The following XRCC1 variants were observed in gnomAD, a reference collection of about 807,000 sequenced individuals.
XRCC1 encodes the protein DNA repair protein XRCC1.
XRCC1 carries 52 observed loss-of-function variants against 83.3 expected under a neutral mutation model. That is an observed-to-expected ratio of 0.62 (90% CI 0.50 to 0.79). The LOEUF is 0.79. XRCC1 is among the 30% of genes least tolerant of loss of function. XRCC1 has a pLI of 0.00. For synonymous variants in XRCC1, 281 were observed against 312.6 expected (o/e 0.90, Z 1.07); for missense variants, 793 against 823.5 (o/e 0.96, Z 0.45).
At chr19:43,574,311 T>C (rs1972832852) in intron 2 of XRCC1, among the ~76,000 whole-genome samples, 1 of 151,856 alleles carries the variant, frequency 6.6e-6, no homozygotes, top group Non-Finnish European at 1.5e-5. Flanking sequence ...CCTGGGCTCA[T>C]GCAATACTCC....
intron 2 of XRCC1, among the ~76,000 whole-genome samples, chr19:43,562,991 C>T (rs539324419): frequency 6.6e-6 from 1 of 152,336 alleles, no homozygotes; most frequent in South Asian, 2.1e-4. Context: ...GTGGCAAAGC[C>T]GGACCGGAAC....
chr19:43,575,088 C>G, intron 1 of XRCC1, 86 bp from the exon 2 acceptor site: 1 of 1,128,862 alleles, frequency 8.9e-7, no homozygotes, highest in Non-Finnish European at 1.3e-6. Flanking sequence ...TGAGTCCTCC[C>G]AAGGCCTCTA....
In XRCC1 at chr19:43,545,894, A is replaced by G. The variant is rs145204208; in HGVS notation, c.1545T>C (p.Tyr515=). 1.2e-6 allele frequency: 2 copies of G among 1,613,858 alleles called. No individual in the cohort carries two copies. The highest frequency in any genetic ancestry group is 1.7e-6 in the Non-Finnish European group (2 of 1,179,942). ...PGQEENGEDP[Y]AGSTDENTDS... is the part of the protein sequence containing the mutation. The stretch of plus-strand genomic sequence containing the variant: ...CCGTGTTCTCATCCGTGGAGCCTGC[A>G]TACGGGTCTTCCCCATTCTCCTCCT... Residue 515 remains tyrosine, a synonymous_variant, in exon 14 of 17, where the codon TAT becomes TAC. Coordinates refer to ENST00000262887, the MANE Select transcript of XRCC1 (RefSeq NM_006297.3).
intron 2 of XRCC1, among the ~76,000 whole-genome samples, chr19:43,565,967 G>A (rs1402402396): frequency 3.3e-5 from 5 of 151,980 alleles, no homozygotes; most frequent in Non-Finnish European, 5.9e-5. Flanking sequence ...TGGGCACAGT[G>A]GCTCACACCT....
intron 3 of XRCC1, among the ~76,000 whole-genome samples, chr19:43,556,697 C>T (rs920981307): frequency 5.3e-5 from 8 of 151,986 alleles, no homozygotes; most frequent in South Asian, 4.1e-4. Context: ...CCCAGCTACT[C>T]GGGAGGCTGA....
intron 2 of XRCC1, 130 bp downstream of exon 2, chr19:43,574,780 A>G (rs1019208208): frequency 6.9e-6 from 5 of 720,044 alleles, no homozygotes; most frequent in African/African-American, 5.2e-5. Context: ...TATGCTGCCC[A>G]TTTTCCGAGT....
chr19:43,549,947 T>C (rs888163889), intron 10 of XRCC1, among the ~76,000 whole-genome samples: 8 of 152,060 alleles, frequency 5.3e-5, no homozygotes, highest in Non-Finnish European at 1.0e-4. Flanking sequence ...CCAAATCTGG[T>C]TCCTTCTGCC....
chr19:43,566,531 CAAAAAA>C lies in XRCC1; in HGVS notation c.145-5517_145-5512del, dbSNP rs34680972. ...TGGGTGGCAGAGCAAGACTCTGTCT[CAAAAAA>C]AAAAAAAAAAAAAGTAAATAAATAC... On this transcript the variant is annotated intron_variant, in intron 2 of 16. Coordinates refer to ENST00000262887, the MANE Select transcript of XRCC1 (RefSeq NM_006297.3). 1.4e-4 allele frequency among the ~76,000 whole-genome samples: 9 copies of C among 66,552 alleles called. No homozygotes were observed. The East Asian group carries it at 4.7e-3, about 35-fold the overall frequency. The allele number at this position is 66,552 out of a possible 152,430, so 43.7% of individuals were successfully genotyped here. A position where few individuals can be genotyped will look rare whatever the true frequency, so the allele number is the denominator to read the frequency against.
chr19:43,559,479 CAAAAAAAA>C (rs58121949), intron 3 of XRCC1, among the ~76,000 whole-genome samples: 2 of 56,528 alleles, frequency 3.5e-5, no homozygotes, highest in East Asian at 6.6e-4. Flanking sequence ...GACTCCATCT[CAAAAAAAA>C]AAAAAAAAAA....
chr19:43,552,468 C>G (rs965481431), intron 8 of XRCC1, among the ~76,000 whole-genome samples, 193 bp from the exon 9 acceptor site: 7 of 139,950 alleles, frequency 5.0e-5, no homozygotes, highest in African/African-American at 1.9e-4. Flanking sequence ...GGAGTCCAGG[C>G]CCCCAGCCCC....
At chr19:43,555,586 C>T (rs548629671) in intron 3 of XRCC1, 3 of 152,326 alleles carry the variant, frequency 2.0e-5, no homozygotes, top group Admixed American at 6.5e-5. Context: ...CCTCCTCAAA[C>T]GATCTGAATT....
rs202006168 is a variant in XRCC1, at chr19:43,554,638, C to G, written c.414+8G>C. 8 of 1,608,290 alleles carry G rather than the reference C, an allele frequency of 5.0e-6. No homozygotes were observed. Among genetic ancestry groups the G allele is most frequent in the Non-Finnish European group, 6.8e-6 (8 of 1,176,348 alleles). On this transcript the variant is annotated splice_region_variant and intron_variant, in intron 4 of 16. Transcript: ENST00000262887. Reference sequence around the variant, plus strand: ...AGGACTCTGCACCCTGGCTCCCACCCTAGGTACCTTGCTGTAGGGCTGGCT... The same window carrying G: ...AGGACTCTGCACCCTGGCTCCCACCGTAGGTACCTTGCTGTAGGGCTGGCT...
chr19:43,567,876 CTTTT>C (rs71336880), intron 2 of XRCC1, among the ~76,000 whole-genome samples: 6 of 124,674 alleles, frequency 4.8e-5, no homozygotes, highest in Non-Finnish European at 1.7e-5. Flanking sequence ...GCAATCTTTT[CTTTT>C]TTTTTTTTTT....
At chr19:43,571,112 C>T (rs1972803341) in intron 2 of XRCC1, among the ~76,000 whole-genome samples, 1 of 99,914 alleles carries the variant, frequency 1.0e-5, no homozygotes, top group Non-Finnish European at 2.3e-5. Flanking sequence ...TCCTATCTCA[C>T]ACCTGGAGTA....
chr19:43,556,935 T>C (rs188489829), intron 3 of XRCC1, among the ~76,000 whole-genome samples: 2 of 144,820 alleles, frequency 1.4e-5, no homozygotes, highest in African/African-American at 5.1e-5. Context: ...AACCCAGGAG[T>C]TGGAGGTGAT....
chr19:43,568,978 A>T (rs1050561797), intron 2 of XRCC1, among the ~76,000 whole-genome samples: 1 of 89,784 alleles, frequency 1.1e-5, no homozygotes, highest in African/African-American at 4.5e-5. Context: ...CAAAAAGCTT[A>T]AAAAAAAAAA....
Position 43,552,926 on chromosome 19 carries a change from G to A in XRCC1, c.712-18C>T. The stretch of plus-strand genomic sequence containing the variant: ...TCCTGGGGCTGAGGGGATGGGGATG[G>A]ATTGAGGCCTCCAGCTTCTCTCCTC... On this transcript the variant is annotated intron_variant, in intron 7 of 16. Coordinates refer to ENST00000262887, the MANE Select transcript of XRCC1 (RefSeq NM_006297.3). 2 of 1,612,440 alleles carry A rather than the reference G, an allele frequency of 1.2e-6. No homozygotes were observed. Among genetic ancestry groups the A allele is most frequent in the Non-Finnish European group, 1.7e-6 (2 of 1,179,270 alleles).
chr19:43,571,213 T>TC (rs905897774), intron 2 of XRCC1, among the ~76,000 whole-genome samples: 8 of 151,996 alleles, frequency 5.3e-5, no homozygotes, highest in African/African-American at 1.9e-4. Flanking sequence ...CCTACCTCTC[T>TC]CCCCCTGGCT....
intron 2 of XRCC1, among the ~76,000 whole-genome samples, chr19:43,564,470 A>G (rs1184774889): frequency 6.6e-6 from 1 of 152,160 alleles, no homozygotes; most frequent in Admixed American, 6.5e-5. Flanking sequence ...ACTGTTGTAC[A>G]AATTAGCACA....
Sources: gnomAD v4.1 joint callset for allele counts (sites outside exome capture counted in the v4.1 genomes callset) on GRCh38, gnomAD v4.1.1 for gene constraint, MANE v1.5 for transcripts, NCBI Gene and HGNC (gene_info 2026-07-23, HGNC 2026-07-21) for gene names.